The following NBAS variants were observed in gnomAD, a reference collection of about 807,000 sequenced individuals.
NBAS encodes the protein NAG/BC035112 fusion.
Under a neutral mutation model 302.5 loss-of-function variants are expected in NBAS, and 219 were observed. The ratio of observed to expected loss-of-function variants is 0.72; its 90% confidence interval spans 0.65 to 0.81. The LOEUF is 0.81. Among genes scored for constraint, NBAS ranks in the 30% least tolerant of loss-of-function variants. The probability of loss-of-function intolerance (pLI) is 0.00; values close to 1 mark genes in which losing one functional copy is unlikely to be tolerated. For synonymous variants in NBAS, 1,118 were observed against 1,021.6 expected (o/e 1.09, Z -1.80); for missense variants, 2,932 against 2,841.6 (o/e 1.03, Z -0.72).
chr2:15,429,586 C>T (rs1374259080), intron 21 of NBAS, among the ~76,000 whole-genome samples: 2 of 152,096 alleles, frequency 1.3e-5, no homozygotes, highest in African/African-American at 4.8e-5. Flanking sequence ...GGGGCAGTGA[C>T]GACTGATCAA....
chr2:15,444,499 C>T (rs1413743541), intron 21 of NBAS, among the ~76,000 whole-genome samples: 3 of 151,848 alleles, frequency 2.0e-5, no homozygotes, highest in Admixed American at 6.6e-5. Context: ...ATACAAAAAT[C>T]AATTCAAGAT....
At chr2:15,424,890 G>T (rs1288762534) in intron 22 of NBAS, among the ~76,000 whole-genome samples, 1 of 152,086 alleles carries the variant, frequency 6.6e-6, no homozygotes, top group African/African-American at 2.4e-5. Context: ...ACTTGAATTT[G>T]AATTAAGAAA....
chr2:15,226,130 T>C (rs1667142561), intron 47 of NBAS, among the ~76,000 whole-genome samples: 2 of 152,206 alleles, frequency 1.3e-5, no homozygotes, highest in South Asian at 2.1e-4. Context: ...AGAGGTGATA[T>C]GGTGAGAGAA....
chr2:14,986,915 G>T, the NBAS span, among the ~76,000 whole-genome samples: 1 of 152,014 alleles, frequency 6.6e-6, no homozygotes, highest in Admixed American at 6.6e-5. Context: ...CAGTAGGTGA[G>T]AAATTTTTAT....
the NBAS span, among the ~76,000 whole-genome samples, chr2:14,810,683 A>G: frequency 6.6e-6 from 1 of 152,214 alleles, no homozygotes; most frequent in African/African-American, 2.4e-5. Context: ...ATTTTCAAAA[A>G]GGAATAAAAA....
rs142602754 is a variant in NBAS at position 15,493,985 on chromosome 2, C to T, written c.955-4963G>A. Among the ~76,000 whole-genome samples, 1,259 of 152,016 alleles carry T rather than the reference C, an allele frequency of 8.3e-3. 15 individuals are homozygous for T. The highest frequency in any genetic ancestry group is 0.029 in the African/African-American group (1,211 of 41,474). On this transcript the variant is annotated intron_variant, in intron 11 of 51. Transcript: ENST00000281513. ...GGATTACAGGCACCTGCCACCACGC[C>T]GGGCTAATTTTTGTATTTTTAGTAG...
At chr2:15,440,118 C>T (rs925355440) in intron 21 of NBAS, among the ~76,000 whole-genome samples, 4 of 152,234 alleles carry the variant, frequency 2.6e-5, no homozygotes, top group African/African-American at 9.6e-5. Flanking sequence ...TCTCTGCAGA[C>T]TTAAATGTCC....
At chr2:15,468,575 A>G (rs1306399253) in intron 16 of NBAS, 42 bp from the exon 17 acceptor site, 2 of 1,594,304 alleles carry the variant, frequency 1.3e-6, no homozygotes, top group Admixed American at 3.3e-5. Context: ...AGAATCCATG[A>G]CATCTTACAA....
At chr2:15,457,498 G>A (rs1016900875) in intron 21 of NBAS, among the ~76,000 whole-genome samples, 68 of 152,314 alleles carry the variant, frequency 4.5e-4, no homozygotes, top group Non-Finnish European at 3.1e-4. Flanking sequence ...AGAATGAGCT[G>A]CAATTACTTA....
the NBAS span, among the ~76,000 whole-genome samples, chr2:15,050,482 A>G: frequency 1.3e-5 from 2 of 152,176 alleles, no homozygotes; most frequent in Non-Finnish European, 1.5e-5. Context: ...ACCATTAAGC[A>G]CAGCAATTCT....
intron 16 of NBAS, among the ~76,000 whole-genome samples, chr2:15,468,917 T>C (rs780827057): frequency 2.0e-5 from 3 of 152,242 alleles, no homozygotes; most frequent in Non-Finnish European, 4.4e-5. Flanking sequence ...TTAATAAGCA[T>C]GTTTAACTTT....
chr2:15,345,915 C>G (rs754995930), intron 35 of NBAS, among the ~76,000 whole-genome samples: 1 of 152,106 alleles, frequency 6.6e-6, no homozygotes, highest in East Asian at 1.9e-4. Context: ...AAAGGATTTC[C>G]TATTCAATAA....
rs1473063701 is a variant in NBAS, at chr2:15,341,731, T to C, written c.4179+10261A>G. 3.3e-5 allele frequency among the ~76,000 whole-genome samples: 5 copies of C among 152,208 alleles called. No individual in the cohort carries two copies. In the East Asian group the frequency reaches 9.6e-4, roughly 29 times the overall value. Reference sequence around the variant, plus strand: ...TAAACCTTTGTGAAGAATGGAAATCTATGATGTAGATTTGCCAATCTAATC... The same window carrying C: ...TAAACCTTTGTGAAGAATGGAAATCCATGATGTAGATTTGCCAATCTAATC... On this transcript the variant is annotated intron_variant, in intron 35 of 51. Transcript: ENST00000281513.
At chr2:15,261,095 A>C (rs1467708861) in intron 44 of NBAS, among the ~76,000 whole-genome samples, 2 of 152,228 alleles carry the variant, frequency 1.3e-5, no homozygotes, top group East Asian at 3.8e-4. Flanking sequence ...GGAGCCACAA[A>C]AGAGACATCA....
chr2:15,480,558 A>G (rs1680387924), intron 12 of NBAS, among the ~76,000 whole-genome samples: 1 of 152,142 alleles, frequency 6.6e-6, no homozygotes, highest in African/African-American at 2.4e-5. Flanking sequence ...AAGAAAGATG[A>G]AGGAAATTCA....
the NBAS span, among the ~76,000 whole-genome samples, chr2:14,781,915 G>T: frequency 1.3e-5 from 2 of 152,030 alleles, no homozygotes; most frequent in Non-Finnish European, 2.9e-5. Context: ...GAAATCCAAA[G>T]TCCATCCTCC....
the NBAS span, among the ~76,000 whole-genome samples, chr2:15,034,105 G>C: frequency 2.7e-5 from 4 of 146,290 alleles, no homozygotes; most frequent in African/African-American, 1.0e-4. Flanking sequence ...GGAGGAGAAG[G>C]AGAAGAAGGA....
the NBAS span, among the ~76,000 whole-genome samples, chr2:14,922,232 T>G: frequency 3.9e-5 from 6 of 152,200 alleles, no homozygotes; most frequent in African/African-American, 9.7e-5. Flanking sequence ...TTTCCTTTAC[T>G]GGACACTGGC....
At position 15,536,332 on chromosome 2, in the gene NBAS, C is replaced by CAA. The variant is rs748482603; in HGVS notation, c.647+84_647+85dup. On this transcript the variant is annotated intron_variant, in intron 8 of 51. Transcript: ENST00000281513. ...GCAATTTTTCATAATAGACAGAAAG[C>CAA]AAAAAAAAAAAGAAATATCAAAATC... 1,372 of 1,160,700 alleles carry CAA rather than the reference C, an allele frequency of 1.2e-3. 2 individuals are homozygous for CAA. The East Asian group carries it at 0.031, about 26-fold the overall frequency. The allele number at this position is 1,160,700 out of a possible 1,614,324, so 71.9% of individuals were successfully genotyped here. A position where few individuals can be genotyped will look rare whatever the true frequency, so the allele number is the denominator to read the frequency against.
Sources: gnomAD v4.1 joint callset for allele counts (sites outside exome capture counted in the v4.1 genomes callset) on GRCh38, gnomAD v4.1.1 for gene constraint, MANE v1.5 for transcripts, NCBI Gene and HGNC (gene_info 2026-07-23, HGNC 2026-07-21) for gene names.